Variants in GAREM1 observed in about 807,000 individuals in gnomAD.
GAREM1 encodes the protein GRB2-associated and regulator of MAPK protein 1.
GAREM1 carries 26 observed loss-of-function variants against 71.3 expected under a neutral mutation model. The observed-to-expected ratio is 0.36, with a 90% confidence interval of 0.27 to 0.51. The LOEUF (loss-of-function observed/expected upper bound fraction) is 0.51. Ranked by LOEUF, GAREM1 falls within the 20% of genes least tolerant of loss-of-function variation. The pLI is 0.95. For synonymous variants in GAREM1, 440 were observed against 433.2 expected (o/e 1.02, Z -0.20); for missense variants, 1,026 against 1,103.1 (o/e 0.93, Z 0.99).
intron 1 of GAREM1, among the ~76,000 whole-genome samples, chr18:32,399,360 T>C (rs191468316): frequency 6.6e-6 from 1 of 152,200 alleles, no homozygotes; most frequent in East Asian, 1.9e-4. Context: ...GGTATTCAAT[T>C]AGGAAAAGAG....
At chr18:32,283,802 G>A (rs2046979636) in intron 4 of GAREM1, among the ~76,000 whole-genome samples, 1 of 152,186 alleles carries the variant, frequency 6.6e-6, no homozygotes, top group Non-Finnish European at 1.5e-5. Context: ...AAGGGCTGAT[G>A]AGCAGAGCCC....
At chr18:32,456,454 G>A (rs1158517984) in intron 1 of GAREM1, among the ~76,000 whole-genome samples, 1 of 152,004 alleles carries the variant, frequency 6.6e-6, no homozygotes, top group Admixed American at 6.6e-5. Flanking sequence ...ACACAGATTT[G>A]GAGAAATGGT....
At chr18:32,452,988 G>C (rs899745002) in intron 1 of GAREM1, among the ~76,000 whole-genome samples, 2 of 151,896 alleles carry the variant, frequency 1.3e-5, no homozygotes, top group African/African-American at 4.8e-5. Context: ...GTGACTGCTT[G>C]TATTAGTCCA....
chr18:32,425,166 T>C (rs1055407552), intron 1 of GAREM1, among the ~76,000 whole-genome samples: 4 of 152,322 alleles, frequency 2.6e-5, no homozygotes, highest in African/African-American at 9.6e-5. Context: ...GTATTTTCTA[T>C]ATACTTAGCT....
At chr18:32,297,116 T>C (rs73956866) in intron 3 of GAREM1, among the ~76,000 whole-genome samples, 2 of 152,214 alleles carry the variant, frequency 1.3e-5, no homozygotes, top group African/African-American at 4.8e-5. Context: ...GCTGAGTAGC[T>C]GCAACAGTGA....
chr18:32,315,412 T>C (rs976725455), intron 2 of GAREM1, among the ~76,000 whole-genome samples: 2 of 147,630 alleles, frequency 1.4e-5, no homozygotes, highest in Non-Finnish European at 3.0e-5. Flanking sequence ...TGATGTATTA[T>C]ATAAATATAT....
intron 2 of GAREM1, among the ~76,000 whole-genome samples, chr18:32,335,333 G>A (rs1415725458): frequency 6.6e-6 from 1 of 152,198 alleles, no homozygotes; most frequent in African/African-American, 2.4e-5. Flanking sequence ...CAGGCCTTAA[G>A]TTGGAGGCTT....
At chr18:32,285,940 C>A (rs1310241761) in intron 4 of GAREM1, among the ~76,000 whole-genome samples, 2 of 152,162 alleles carry the variant, frequency 1.3e-5, no homozygotes. Context: ...AAGGAAGACC[C>A]CTTCCCCACA....
intron 1 of GAREM1, among the ~76,000 whole-genome samples, chr18:32,409,387 C>T (rs779785511): frequency 2.6e-5 from 4 of 152,052 alleles, no homozygotes; most frequent in Non-Finnish European, 4.4e-5. Context: ...TATTCAAAGG[C>T]CCAGAGACTA....
chr18:32,340,268 A>G (rs896204413), intron 2 of GAREM1, among the ~76,000 whole-genome samples: 5 of 152,250 alleles, frequency 3.3e-5, no homozygotes, highest in African/African-American at 1.2e-4. Flanking sequence ...GATGGGTGTC[A>G]GTTATTAAAC....
chr18:32,269,434 T>C lies in GAREM1; in HGVS notation c.1734-666A>G, dbSNP rs1302764214. 2.6e-5 allele frequency among the ~76,000 whole-genome samples: 4 copies of C among 152,172 alleles called. No homozygotes were observed. The East Asian group carries it at 7.7e-4, about 29-fold the overall frequency. On this transcript the variant is annotated intron_variant, in intron 5 of 5. Transcript: ENST00000269209. ...TTAAGAGCAACATGAAACTAGAGTG[T>C]GCTCAAAGGAGGGTGAGCAGGCCGG...
chr18:32,433,402 C>G (rs1483411400), intron 1 of GAREM1, among the ~76,000 whole-genome samples: 4 of 151,242 alleles, frequency 2.6e-5, no homozygotes, highest in Non-Finnish European at 4.4e-5. Context: ...TCTTACCACT[C>G]TTATTCAACA....
chr18:32,360,279 G>C (rs1244853344), intron 2 of GAREM1, among the ~76,000 whole-genome samples: 1 of 151,636 alleles, frequency 6.6e-6, no homozygotes, highest in Non-Finnish European at 1.5e-5. Flanking sequence ...AGCAATTAAG[G>C]AACTTTTTTT....
chr18:32,435,524 A>G (rs1232750753), intron 1 of GAREM1, among the ~76,000 whole-genome samples: 1 of 152,186 alleles, frequency 6.6e-6, no homozygotes, highest in Admixed American at 6.5e-5. Context: ...TCTGCAGAAC[A>G]TCATTGGTAG....
intron 3 of GAREM1, among the ~76,000 whole-genome samples, chr18:32,291,215 TA>T (rs113147103): frequency 1.7e-4 from 23 of 137,396 alleles, no homozygotes; most frequent in East Asian, 1.1e-3. Context: ...TATTGTTAAA[TA>T]AAAAAAAATA....
chr18:32,431,762 C>G (rs961316552), intron 1 of GAREM1, among the ~76,000 whole-genome samples: 1 of 152,114 alleles, frequency 6.6e-6, no homozygotes, highest in African/African-American at 2.4e-5. Flanking sequence ...CCTTACACAT[C>G]ACAATGAAAC....
At chr18:32,269,255 C>T (rs952331522) in intron 5 of GAREM1, among the ~76,000 whole-genome samples, 2 of 152,184 alleles carry the variant, frequency 1.3e-5, no homozygotes, top group Non-Finnish European at 2.9e-5. Flanking sequence ...GGAAATCCTT[C>T]AAATAAAATG....
At chr18:32,441,539 T>G (rs532648456) in intron 1 of GAREM1, among the ~76,000 whole-genome samples, 1 of 152,174 alleles carries the variant, frequency 6.6e-6, no homozygotes, top group Admixed American at 6.6e-5. Context: ...TTCAAGTGCA[T>G]GACTAAATCT....
chr18:32,434,887 T>G (rs2048659593), intron 1 of GAREM1, among the ~76,000 whole-genome samples: 1 of 152,074 alleles, frequency 6.6e-6, no homozygotes, highest in Non-Finnish European at 1.5e-5. Flanking sequence ...AAGAGAGCAG[T>G]AGTAACTTCA....
Sources: allele counts gnomAD v4.1 joint callset (sites outside exome capture counted in the v4.1 genomes callset), GRCh38; gene constraint gnomAD v4.1.1; transcripts MANE v1.5; gene names NCBI Gene and HGNC (gene_info 2026-07-23, HGNC 2026-07-21).